The following KIAA0825 variants were observed in gnomAD, a reference collection of about 807,000 sequenced individuals.
KIAA0825 encodes the protein uncharacterized protein KIAA0825.
In KIAA0825, 119 loss-of-function variants were observed where a neutral mutation model predicts 147.6. That is an observed-to-expected ratio of 0.81 (90% CI 0.69 to 0.94). The LOEUF (loss-of-function observed/expected upper bound fraction) is 0.94. KIAA0825 is among the 40% of genes least tolerant of loss of function. KIAA0825 has a pLI of 0.00. For synonymous variants in KIAA0825, 470 were observed against 518.1 expected, an observed-to-expected ratio of 0.91 and a Z score of 1.26; for missense variants, 1,381 against 1,472.7, an observed-to-expected ratio of 0.94 and a Z score of 1.02.
chr5:94,251,889 T>C (rs1053235500), intron 20 of KIAA0825, among the ~76,000 whole-genome samples: 5 of 152,060 alleles, frequency 3.3e-5, no homozygotes, highest in African/African-American at 1.2e-4. Context: ...TGATATGTTA[T>C]TGCATTTGGG....
chr5:94,197,713 C>T (rs1771267208), intron 20 of KIAA0825, among the ~76,000 whole-genome samples: 2 of 152,142 alleles, frequency 1.3e-5, no homozygotes, highest in South Asian at 4.1e-4. Context: ...TATCCCAGCA[C>T]CACTTACTGA....
intron 15 of KIAA0825, among the ~76,000 whole-genome samples, chr5:94,406,214 T>G (rs1752043946): frequency 6.6e-6 from 1 of 152,132 alleles, no homozygotes; most frequent in Non-Finnish European, 1.5e-5. Context: ...CGTGAGCCAC[T>G]GAGCCTGGCC....
intron 1 of KIAA0825, among the ~76,000 whole-genome samples, chr5:94,606,111 A>G (rs1469936557): frequency 1.3e-5 from 2 of 152,218 alleles, no homozygotes; most frequent in Non-Finnish European, 1.5e-5. Flanking sequence ...CTATATACCA[A>G]CAACAACCAA....
chr5:94,432,536 G>C (rs1465831200), intron 14 of KIAA0825, among the ~76,000 whole-genome samples: 3 of 152,004 alleles, frequency 2.0e-5, no homozygotes, highest in African/African-American at 7.3e-5. Context: ...TAGGATCTTT[G>C]GATAGGATCC....
intron 1 of KIAA0825, among the ~76,000 whole-genome samples, chr5:94,600,958 G>A (rs72773506): frequency 2.4e-4 from 37 of 152,268 alleles, no homozygotes; most frequent in African/African-American, 7.5e-4. Context: ...GGGGTTGGCC[G>A]CCATCTTTGC....
At chr5:94,242,446 C>T (rs1775394370) in intron 20 of KIAA0825, among the ~76,000 whole-genome samples, 1 of 152,154 alleles carries the variant, frequency 6.6e-6, no homozygotes, top group African/African-American at 2.4e-5. Flanking sequence ...TCTAGTCCTT[C>T]TAACACTCTT....
At chr5:94,547,890 A>C (rs1317935267) in intron 2 of KIAA0825, among the ~76,000 whole-genome samples, 2 of 152,048 alleles carry the variant, frequency 1.3e-5, no homozygotes, top group Admixed American at 6.5e-5. Context: ...AAAACAAAAA[A>C]ACCTTTTACC....
intron 20 of KIAA0825, among the ~76,000 whole-genome samples, chr5:94,235,929 GA>G (rs1156795188): frequency 6.6e-6 from 1 of 152,062 alleles, no homozygotes; most frequent in Non-Finnish European, 1.5e-5. Flanking sequence ...CTACTGCTCA[GA>G]AAAAAAGATT....
intron 1 of KIAA0825, chr5:94,592,859 T>C: frequency 1.7e-6 from 1 of 582,268 alleles, no homozygotes; most frequent in Admixed American, 2.4e-5. Context: ...GTGTTTCAAT[T>C]TCGACTCATC....
chr5:94,612,105 CCTAA>C (rs1483061260), intron 1 of KIAA0825, among the ~76,000 whole-genome samples: 4 of 152,196 alleles, frequency 2.6e-5, no homozygotes, highest in African/African-American at 9.6e-5. Flanking sequence ...TGTTTTGATT[CCTAA>C]CTGTTCTGGC....
chr5:94,208,714 T>TAG (rs1405707319), intron 20 of KIAA0825, among the ~76,000 whole-genome samples: 1 of 152,132 alleles, frequency 6.6e-6, no homozygotes, highest in Non-Finnish European at 1.5e-5. Context: ...GGAGGAATTC[T>TAG]AGATGAAGGG....
chr5:94,613,909 T>C (rs1018395952), intron 1 of KIAA0825, among the ~76,000 whole-genome samples: 4 of 152,248 alleles, frequency 2.6e-5, no homozygotes, highest in African/African-American at 9.6e-5. Flanking sequence ...CAATTAAAAA[T>C]TTGATTAATA....
chr5:94,575,781 C>T (rs1190984751), intron 2 of KIAA0825, among the ~76,000 whole-genome samples: 1 of 152,162 alleles, frequency 6.6e-6, no homozygotes, highest in African/African-American at 2.4e-5. Flanking sequence ...CATACACATG[C>T]CGGCCTTTGG....
chr5:94,515,612 T>G (rs534775412), intron 5 of KIAA0825, among the ~76,000 whole-genome samples: 1 of 148,430 alleles, frequency 6.7e-6, no homozygotes, highest in African/African-American at 2.6e-5. Flanking sequence ...GCCAGAATGG[T>G]GAAATCCCGT....
chr5:94,298,160 A>C (rs146962104), intron 20 of KIAA0825, among the ~76,000 whole-genome samples: 95 of 151,966 alleles, frequency 6.3e-4, no homozygotes, highest in African/African-American at 2.2e-3. Context: ...GGCAAGGAGA[A>C]TCACTTGAAC....
chr5:94,560,452 TC>T (rs1313814086), intron 2 of KIAA0825, among the ~76,000 whole-genome samples: 4 of 152,192 alleles, frequency 2.6e-5, no homozygotes, highest in Non-Finnish European at 5.9e-5. Context: ...GTATCTTAAA[TC>T]AAGTATCAGC....
Position 94,153,634 on chromosome 5 carries a change from C to G in KIAA0825, c.*373G>C, listed in dbSNP as rs891002491. The G allele has an allele frequency of 6.4e-6, 1 of 157,432 alleles. No homozygotes were observed. The highest frequency in any genetic ancestry group is 1.4e-5 in the Non-Finnish European group (1 of 71,678). 9.8% of individuals were successfully genotyped at this position (157,432 alleles called of 1,614,324 possible). ...GATGACCTCCTGGGGCTATGTGACT[C>G]CACTCAACTTAACATCCAAATGTTG... On this transcript the variant is annotated 3_prime_UTR_variant, in exon 21 of 21. Coordinates refer to ENST00000682413, the MANE Select transcript of KIAA0825 (RefSeq NM_001145678.3).
chr5:94,565,001 TCTCTCTCC>T lies in KIAA0825; in HGVS notation c.-2+17424_-2+17431del, dbSNP rs1293225042. ...CTCTTCTCTTCTCTTCTCCTCTCTCTCTCTCTCCCTCTCTCTCTCTCTCTCTCTTTCTT... is the reference window on the plus strand; with the variant it reads ...CTCTTCTCTTCTCTTCTCCTCTCTCTCTCTCTCTCTCTCTCTCTCTTTCTT... On this transcript the variant is annotated intron_variant, in intron 2 of 20. Coordinates refer to ENST00000682413, the MANE Select transcript of KIAA0825 (RefSeq NM_001145678.3). Among the ~76,000 whole-genome samples, 152 of 129,508 alleles carry T rather than the reference TCTCTCTCC, an allele frequency of 1.2e-3. 1 individual carries two copies. Among genetic ancestry groups the T allele is most frequent in the African/African-American group, 4.0e-3 (136 of 33,912 alleles). 85.0% of individuals were successfully genotyped at this position (129,508 alleles called of 152,430 possible).
intron 14 of KIAA0825, among the ~76,000 whole-genome samples, chr5:94,422,547 G>A (rs374671069): frequency 6.6e-6 from 1 of 152,088 alleles, no homozygotes; most frequent in South Asian, 2.1e-4. Flanking sequence ...TTTTATCATA[G>A]GTGCCTCAGC....
Sources: gnomAD v4.1 joint callset for allele counts (sites outside exome capture counted in the v4.1 genomes callset) on GRCh38, gnomAD v4.1.1 for gene constraint, MANE v1.5 for transcripts, NCBI Gene and HGNC (gene_info 2026-07-23, HGNC 2026-07-21) for gene names.